VCL: variants seen among roughly 807,000 people sequenced by gnomAD.
VCL encodes the protein vinculin.
A neutral mutation model predicts 125.7 loss-of-function variants in VCL; 47 were observed. The observed-to-expected ratio is 0.37, with a 90% CI of 0.30 to 0.48. VCL has a LOEUF of 0.48. Ranked by LOEUF, VCL falls within the 20% of genes least tolerant of loss-of-function variation. The pLI is 0.99. For synonymous variants in VCL, 458 were observed against 514.6 expected (o/e 0.89, Z 1.49); for missense variants, 1,069 against 1,455.5 (o/e 0.73, Z 4.32).
intron 1 of VCL, among the ~76,000 whole-genome samples, chr10:74,013,840 A>AACAC (rs1458208693): frequency 6.6e-6 from 1 of 152,210 alleles, no homozygotes; most frequent in African/African-American, 2.4e-5. Context: ...TATCATTACT[A>AACAC]TATTTTCCCA....
At chr10:74,009,141 AG>A (rs1186096306) in intron 1 of VCL, among the ~76,000 whole-genome samples, 1 of 147,800 alleles carries the variant, frequency 6.8e-6, no homozygotes, top group Non-Finnish European at 1.5e-5. Context: ...GAAGTCTTGC[AG>A]TATATGTTTG....
At chr10:74,060,292 G>A (rs1309766222) in intron 2 of VCL, among the ~76,000 whole-genome samples, 2 of 151,982 alleles carry the variant, frequency 1.3e-5, no homozygotes, top group Non-Finnish European at 1.5e-5. Context: ...GTAACAGAGC[G>A]AGACACTGTC....
intron 2 of VCL, among the ~76,000 whole-genome samples, chr10:74,068,565 T>TC (rs1306772026): frequency 6.6e-6 from 1 of 152,208 alleles, no homozygotes; most frequent in Non-Finnish European, 1.5e-5. Flanking sequence ...CCTAAAGTAA[T>TC]CCACCTGCCT....
In VCL at chr10:74,118,089, G is replaced by A; in HGVS notation, c.3325G>A (p.Ala1109Thr). 6.2e-7 allele frequency: 1 copy of A among 1,614,202 alleles called. No individual in the cohort carries two copies. The highest frequency in any genetic ancestry group is 8.5e-7 in the Non-Finnish European group (1 of 1,180,038). ...GTCTGTGAAGGAGACTGTGCGGGAAGCTGAAGCTGCTTCAATCAAAATTCG... is the reference window on the plus strand; with the variant it reads ...GTCTGTGAAGGAGACTGTGCGGGAAACTGAAGCTGCTTCAATCAAAATTCG... The part of the protein sequence containing the change: ...MQSVKETVRE[A>T]EAASIKIRTD... The change falls in exon 22 of 22, where the codon GCT (alanine) becomes ACT (threonine). Residue 1109 changes from alanine (A) to threonine (T), a missense_variant. Around this residue, in one of 6 missense-constraint regions of VCL, gnomAD observed 91 missense variants for 203.9 expected, o/e 0.45. Coordinates refer to ENST00000211998, the MANE Select transcript of VCL (RefSeq NM_014000.3).
chr10:74,034,927 A>G (rs1840944029), intron 1 of VCL, among the ~76,000 whole-genome samples: 1 of 152,224 alleles, frequency 6.6e-6, no homozygotes, highest in Non-Finnish European at 1.5e-5. Context: ...ATGGTTGTTC[A>G]GTATAATGGA....
intron 19 of VCL, 134 bp from the exon 20 acceptor site, chr10:74,114,050 C>T: frequency 9.8e-7 from 1 of 1,022,892 alleles, no homozygotes; most frequent in Non-Finnish European, 1.5e-6. Context: ...AAGAACGGCC[C>T]TTTTCTCCTC....
chr10:74,026,540 A>G (rs1051025503), intron 1 of VCL, among the ~76,000 whole-genome samples: 1 of 152,226 alleles, frequency 6.6e-6, no homozygotes, highest in African/African-American at 2.4e-5. Flanking sequence ...CTAAATGAAA[A>G]ATAATTTTTT....
At chr10:74,001,362 G>T (rs1476509897) in intron 1 of VCL, among the ~76,000 whole-genome samples, 1 of 152,106 alleles carries the variant, frequency 6.6e-6, no homozygotes, top group Non-Finnish European at 1.5e-5. Context: ...ACAGGGTCTT[G>T]TTATGTTGCC....
intron 14 of VCL, among the ~76,000 whole-genome samples, chr10:74,101,731 G>A (rs1040441414): frequency 2.0e-5 from 3 of 147,662 alleles, no homozygotes; most frequent in African/African-American, 7.5e-5. Context: ...AATTTTTTTT[G>A]TATTTTTAGT....
intron 1 of VCL, among the ~76,000 whole-genome samples, chr10:74,030,258 A>AAC (rs1840850077): frequency 6.6e-6 from 1 of 152,188 alleles, no homozygotes; most frequent in Non-Finnish European, 1.5e-5. Context: ...GTCACATGGA[A>AAC]ACAGGGGCTA....
downstream of VCL, chr10:74,121,233 G>A (rs184258926): frequency 1.6e-4 from 24 of 152,250 alleles, no homozygotes; most frequent in Non-Finnish European, 2.9e-5. Context: ...TCCTGCTGTA[G>A]TATAATCATT....
At chr10:74,007,959 T>C (rs1037519792) in intron 1 of VCL, among the ~76,000 whole-genome samples, 1 of 151,972 alleles carries the variant, frequency 6.6e-6, no homozygotes, top group African/African-American at 2.4e-5. Context: ...CCCACCACCA[T>C]GGACGGCTAA....
At chr10:74,093,717 G>A (rs1839924804) in intron 10 of VCL, among the ~76,000 whole-genome samples, 1 of 151,986 alleles carries the variant, frequency 6.6e-6, no homozygotes, top group African/African-American at 2.4e-5. Flanking sequence ...GAGGATTGCT[G>A]CAGTGAGCCC....
At chr10:74,063,203 T>C (rs968581218) in intron 2 of VCL, among the ~76,000 whole-genome samples, 1 of 152,170 alleles carries the variant, frequency 6.6e-6, no homozygotes, top group African/African-American at 2.4e-5. Flanking sequence ...AGGCCCGAGG[T>C]TGGTTTTGAA....
chr10:74,027,388 A>G (rs539396155), intron 1 of VCL, among the ~76,000 whole-genome samples: 1 of 150,288 alleles, frequency 6.7e-6, no homozygotes, highest in South Asian at 2.1e-4. Context: ...ATTAAAGTTT[A>G]TAGATGTCAT....
At chr10:74,023,148 T>G (rs1377510090) in intron 1 of VCL, among the ~76,000 whole-genome samples, 1 of 152,238 alleles carries the variant, frequency 6.6e-6, no homozygotes, top group African/African-American at 2.4e-5. Flanking sequence ...CTGTCTTTAA[T>G]GCAGTTGTGG....
At chr10:74,068,181 T>C (rs867849352) in intron 2 of VCL, among the ~76,000 whole-genome samples, 1 of 152,246 alleles carries the variant, frequency 6.6e-6, no homozygotes, top group African/African-American at 2.4e-5. Context: ...ATCTAGAATG[T>C]ATCCTACAGA....
At chr10:74,077,086 A>C (rs2089763870) in intron 6 of VCL, 1 of 152,668 alleles carries the variant, frequency 6.6e-6, no homozygotes, top group Non-Finnish European at 1.5e-5. Context: ...AGCTGCTCCC[A>C]GTTTTATGCT....
At chr10:74,050,313 C>A (rs1021831719) in intron 2 of VCL, among the ~76,000 whole-genome samples, 1 of 152,140 alleles carries the variant, frequency 6.6e-6, no homozygotes, top group Non-Finnish European at 1.5e-5. Context: ...CCCAAAATAC[C>A]ATGTGAAAGG....
Sources: gnomAD v4.1 joint callset for allele counts (sites outside exome capture counted in the v4.1 genomes callset) on GRCh38, gnomAD v4.1.1 for gene constraint, gnomAD v4.1.1 regional missense constraint, MANE v1.5 for transcripts, NCBI Gene and HGNC (gene_info 2026-07-23, HGNC 2026-07-21) for gene names.